Variants in PSMB11 observed in about 807,000 individuals in gnomAD.
PSMB11 encodes the protein proteasome subunit beta type-11.
For missense variants in PSMB11, 411 were observed against 408.2 expected, an observed-to-expected ratio of 1.01 and a Z score of -0.06; for synonymous variants, 163 against 167.7, an observed-to-expected ratio of 0.97 and a Z score of 0.22.
rs772379533 is a variant in PSMB11 at position 23,042,997 on chromosome 14, G to A, written c.772G>A (p.Glu258Lys). Residue 258 changes from glutamate to lysine, a missense_variant, in exon 1 of 1, where the codon GAG becomes AAG. Coordinates refer to ENST00000408907, the MANE Select transcript of PSMB11 (RefSeq NM_001099780.2). ...LQKLLEPEPEEDASHAHPEPA... is the reference protein window; with the variant it reads ...LQKLLEPEPEKDASHAHPEPA... ...GAAGCTCCTGGAGCCGGAGCCAGAG[G>A]AGGATGCCAGCCATGCCCATCCTGA... 6.2e-7 allele frequency: 1 copy of A among 1,614,066 alleles called. No homozygotes were observed. The highest frequency in any genetic ancestry group is 8.5e-7 in the Non-Finnish European group (1 of 1,180,000).
At position 23,042,881 on chromosome 14, in the gene PSMB11, C is replaced by T; in HGVS notation, c.656C>T (p.Ser219Leu). The change falls in exon 1 of 1, where the codon TCA becomes TTA. Residue 219 changes from serine (S) to leucine (L), a missense_variant. Ser to Leu is a moderately radical substitution (Grantham distance 145, BLOSUM62 -2). Coordinates refer to ENST00000408907, the MANE Select transcript of PSMB11 (RefSeq NM_001099780.2). ...VAHATHRDAY[S>L]GGSVDLFHVR... ...CACGCCACCCACCGTGATGCCTATT[C>T]AGGGGGCTCTGTAGACCTTTTCCAC... 6.2e-7 allele frequency: 1 copy of T among 1,614,060 alleles called. No homozygotes were observed. Among genetic ancestry groups the T allele is most frequent in the South Asian group, 1.1e-5 (1 of 91,088 alleles).
In PSMB11 at chr14:23,042,538, T is replaced by C. The variant is rs1566718930; in HGVS notation, c.313T>C (p.Tyr105His). Residue 105 changes from tyrosine (Y) to histidine (H), a missense_variant, in exon 1 of 1, where the codon TAT (tyrosine) becomes CAT (histidine). Physicochemically the swap from Tyr to His is moderately conservative, Grantham distance 83. Coordinates refer to ENST00000408907, the MANE Select transcript of PSMB11 (RefSeq NM_001099780.2). ...SGTSADCATW[Y>H]RVLQRELRLR... is the part of the protein sequence containing the mutation. Reference sequence around the variant, plus strand: ...CACCTCTGCCGACTGTGCTACCTGGTATCGGGTATTACAGCGGGAGCTGCG... The same window carrying C: ...CACCTCTGCCGACTGTGCTACCTGGCATCGGGTATTACAGCGGGAGCTGCG... 2 of 1,614,194 alleles carry C rather than the reference T, an allele frequency of 1.2e-6. No individual in the cohort carries two copies. Among genetic ancestry groups the C allele is most frequent in the Non-Finnish European group, 1.7e-6 (2 of 1,180,030 alleles).
At position 23,042,582 on chromosome 14, in the gene PSMB11, G is replaced by A. The variant is rs1397008391; in HGVS notation, c.357G>A (p.Glu119=). ...QRELRLRELR[E]GQLPSVASAA... Reference sequence around the variant, plus strand: ...AGCTGCGGCTTCGGGAACTGAGGGAGGGTCAGCTGCCCAGTGTGGCCAGTG... The same window carrying A: ...AGCTGCGGCTTCGGGAACTGAGGGAAGGTCAGCTGCCCAGTGTGGCCAGTG... The change falls in exon 1 of 1, where the codon GAG becomes GAA. Residue 119 remains glutamate (E), a synonymous_variant. Coordinates refer to ENST00000408907, the MANE Select transcript of PSMB11 (RefSeq NM_001099780.2). 1.2e-6 allele frequency: 2 copies of A among 1,614,074 alleles called. No homozygotes were observed. The highest frequency in any genetic ancestry group is 2.2e-5 in the East Asian group (1 of 44,902).
chr14:23,042,278 C>T lies in PSMB11; in HGVS notation c.53C>T (p.Ser18Leu), dbSNP rs376266336. ...CAGTCCCCTGACACCCAGGGACCAT[C>T]ACCTCACCTGCCTCGGGCTGGCGGC... ...KWQSPDTQGP[S>L]PHLPRAGGWA... The change falls in exon 1 of 1, where the codon TCA becomes TTA. Residue 18 changes from serine (S) to leucine (L), a missense_variant. Transcript: ENST00000408907. 5.6e-6 allele frequency: 9 copies of T among 1,609,970 alleles called. No homozygotes were observed. In the African/African-American group the frequency reaches 1.2e-4, roughly 21 times the overall value.
chr14:23,042,670 G>A lies in PSMB11; in HGVS notation c.445G>A (p.Ala149Thr), dbSNP rs1420309949. The A allele has an allele frequency of 6.2e-7, 1 of 1,613,786 alleles. No individual in the cohort carries two copies. ...GGGACTGGATCTCTGTGTGGCCACT[G>A]CCCTCTGCGGCTGGGACCGCTCTGG... Reference protein sequence around the residue: ...YRGLDLCVATALCGWDRSGPE... With the variant: ...YRGLDLCVATTLCGWDRSGPE... Residue 149 changes from alanine to threonine, a missense_variant, in exon 1 of 1, where the codon GCC (alanine) becomes ACC (threonine). Physicochemically the swap from Ala to Thr is moderately conservative, Grantham distance 58 (BLOSUM62 0). Transcript: ENST00000408907.
rs1262087400 is a variant in PSMB11 at position 23,042,548 on chromosome 14, T to G, written c.323T>G (p.Leu108Ter). 1.2e-5 allele frequency: 20 copies of G among 1,614,232 alleles called. No homozygotes were observed. The highest frequency in any genetic ancestry group is 1.6e-4 in the Middle Eastern group (1 of 6,062). ...GACTGTGCTACCTGGTATCGGGTAT[T>G]ACAGCGGGAGCTGCGGCTTCGGGAA... The part of the protein sequence containing the change: ...SADCATWYRV[L>*]QRELRLRELR... The change falls in exon 1 of 1, where the codon TTA becomes TGA. Residue 108 changes from leucine to a stop codon, truncating the protein, a stop_gained. Transcript: ENST00000408907. LOFTEE classifies it low-confidence loss of function (END_TRUNC).
At position 23,042,775 on chromosome 14, in the gene PSMB11, G is replaced by A; in HGVS notation, c.550G>A (p.Ala184Thr). 2 of 1,612,986 alleles carry A rather than the reference G, an allele frequency of 1.2e-6. No homozygotes were observed. The highest frequency in any genetic ancestry group is 1.7e-6 in the Non-Finnish European group (2 of 1,179,998). The change falls in exon 1 of 1, where the codon GCC becomes ACC. Residue 184 changes from alanine (A) to threonine (T), a missense_variant. By Grantham distance (58) the Ala-to-Thr change is moderately conservative. Transcript: ENST00000408907. Reference protein sequence around the residue: ...IFSVGSGSPYAYGVLDRGYRY... With the variant: ...IFSVGSGSPYTYGVLDRGYRY... ...CTCTGTGGGCTCTGGATCTCCCTATGCCTACGGCGTGCTAGACCGTGGCTA... is the reference window on the plus strand; with the variant it reads ...CTCTGTGGGCTCTGGATCTCCCTATACCTACGGCGTGCTAGACCGTGGCTA...
Position 23,042,833 on chromosome 14 carries a change from C to T in PSMB11, c.608C>T (p.Ala203Val). ...GACATGAGCACCCAGGAAGCCTACG[C>T]CCTGGCTCGCTGCGCCGTGGCCCAC... ...RYDMSTQEAY[A>V]LARCAVAHAT... is the part of the protein sequence containing the mutation. Residue 203 changes from alanine (A) to valine (V), a missense_variant, in exon 1 of 1, where the codon GCC (alanine) becomes GTC (valine). Transcript: ENST00000408907. The T allele has an allele frequency of 6.2e-7, 1 of 1,613,268 alleles. No individual in the cohort carries two copies. Among genetic ancestry groups the T allele is most frequent in the South Asian group, 1.1e-5 (1 of 91,078 alleles).
chr14:23,042,600 G>A lies in PSMB11; in HGVS notation c.375G>A (p.Val125=), dbSNP rs1481465087. ...TGAGGGAGGGTCAGCTGCCCAGTGTGGCCAGTGCTGCCAAGCTCTTGTCAG... is the reference window on the plus strand; with the variant it reads ...TGAGGGAGGGTCAGCTGCCCAGTGTAGCCAGTGCTGCCAAGCTCTTGTCAG... ...RELREGQLPS[V]ASAAKLLSAM... The change falls in exon 1 of 1, where the codon GTG becomes GTA. Residue 125 remains valine (V), a synonymous_variant. Transcript: ENST00000408907. 10 of 1,614,184 alleles carry A rather than the reference G, an allele frequency of 6.2e-6. No individual in the cohort carries two copies. The highest frequency in any genetic ancestry group is 8.5e-6 in the Non-Finnish European group (10 of 1,180,044).
chr14:23,043,441 C>T lies in PSMB11; in HGVS notation c.*313C>T. 3.6e-6 allele frequency: 1 copy of T among 279,864 alleles called. No homozygotes were observed. Among genetic ancestry groups the T allele is most frequent in the Non-Finnish European group, 7.1e-6 (1 of 140,688 alleles). 17.3% of individuals were successfully genotyped at this position (279,864 alleles called of 1,614,324 possible). ...CTAGGTGCTAGACCCTCTTTTCTTG[C>T]CATCTTCTCTGCTTTTTTCCATCAT... On this transcript the variant is annotated 3_prime_UTR_variant, in exon 1 of 1. Transcript: ENST00000408907.
At position 23,042,329 on chromosome 14, in the gene PSMB11, C is replaced by T. The variant is rs143333062; in HGVS notation, c.104C>T (p.Pro35Leu). 95 of 1,613,734 alleles carry T rather than the reference C, an allele frequency of 5.9e-5. 1 individual carries two copies. Among genetic ancestry groups the T allele is most frequent in the Non-Finnish European group, 7.5e-5 (88 of 1,180,024 alleles). The change falls in exon 1 of 1, where the codon CCT becomes CTT. Residue 35 changes from proline (P) to leucine (L), a missense_variant. By Grantham distance (98) the Pro-to-Leu change is moderately conservative. Coordinates refer to ENST00000408907, the MANE Select transcript of PSMB11 (RefSeq NM_001099780.2). ...GGWAVPRGCD[P>L]QTFLQIHGPR... ...TGGGCTGTGCCCCGGGGTTGTGACC[C>T]TCAAACCTTCCTGCAGATCCATGGC...
Position 23,043,152 on chromosome 14 carries a change from G to A in PSMB11, c.*24G>A. 1.3e-6 allele frequency: 2 copies of A among 1,561,786 alleles called. No individual in the cohort carries two copies. Among genetic ancestry groups the A allele is most frequent in the Non-Finnish European group, 1.7e-6 (2 of 1,147,350 alleles). ...GAGAAGCAGGACTTGGTTGGGGATG[G>A]TGTAGGCCTGGGGAGTGGGTGGGAG... On this transcript the variant is annotated 3_prime_UTR_variant, in exon 1 of 1. Transcript: ENST00000408907.
chr14:23,043,585 C>T lies in PSMB11; in HGVS notation c.*457C>T, dbSNP rs2047026036. 5.7e-6 allele frequency: 1 copy of T among 174,250 alleles called. No individual in the cohort carries two copies. The highest frequency in any genetic ancestry group is 6.1e-5 in the Admixed American group (1 of 16,264). 10.8% of individuals were successfully genotyped at this position (174,250 alleles called of 1,614,324 possible). On this transcript the variant is annotated 3_prime_UTR_variant, in exon 1 of 1. Coordinates refer to ENST00000408907, the MANE Select transcript of PSMB11 (RefSeq NM_001099780.2). Reference sequence around the variant, plus strand: ...ATGGGGCACCCGGGAAGGGAGCAGCCCCTCTCAGAACGAGGCGTAGTGATA... The same window carrying T: ...ATGGGGCACCCGGGAAGGGAGCAGCTCCTCTCAGAACGAGGCGTAGTGATA...
Position 23,043,148 on chromosome 14 carries a change from G to A in PSMB11, c.*20G>A, listed in dbSNP as rs201541901. ...GTGTGAGAAGCAGGACTTGGTTGGGGATGGTGTAGGCCTGGGGAGTGGGTG... is the reference window on the plus strand; with the variant it reads ...GTGTGAGAAGCAGGACTTGGTTGGGAATGGTGTAGGCCTGGGGAGTGGGTG... On this transcript the variant is annotated 3_prime_UTR_variant, in exon 1 of 1. Coordinates refer to ENST00000408907, the MANE Select transcript of PSMB11 (RefSeq NM_001099780.2). 3.2e-6 allele frequency: 5 copies of A among 1,579,610 alleles called. No individual in the cohort carries two copies. The East Asian group carries it at 1.1e-4, about 36-fold the overall frequency.
Position 23,042,748 on chromosome 14 carries a change from T to A in PSMB11, c.523T>A (p.Phe175Ile). 1 of 1,613,242 alleles carries A rather than the reference T, an allele frequency of 6.2e-7. No homozygotes were observed. Among genetic ancestry groups the A allele is most frequent in the Non-Finnish European group, 8.5e-7 (1 of 1,179,952 alleles). The change falls in exon 1 of 1, where the codon TTC becomes ATC. Residue 175 changes from phenylalanine (F) to isoleucine (I), a missense_variant. Physicochemically the swap from Phe to Ile is conservative, Grantham distance 21 (BLOSUM62 0). Coordinates refer to ENST00000408907, the MANE Select transcript of PSMB11 (RefSeq NM_001099780.2). Reference sequence around the variant, plus strand: ...CGGCACCCGCCTGCAGGGGGACATCTTCTCTGTGGGCTCTGGATCTCCCTA... The same window carrying A: ...CGGCACCCGCCTGCAGGGGGACATCATCTCTGTGGGCTCTGGATCTCCCTA... ...SDGTRLQGDIFSVGSGSPYAY... is the reference protein window; with the variant it reads ...SDGTRLQGDIISVGSGSPYAY...
Position 23,043,323 on chromosome 14 carries a change from T to A in PSMB11, c.*195T>A. ...ATGGCTCTGCCCAACAAGTTCCTAT[T>A]GACTCCCAGTGGATTGGTCCAGCCT... On this transcript the variant is annotated 3_prime_UTR_variant, in exon 1 of 1. Coordinates refer to ENST00000408907, the MANE Select transcript of PSMB11 (RefSeq NM_001099780.2). 1.8e-6 allele frequency: 1 copy of A among 561,086 alleles called. No homozygotes were observed. The highest frequency in any genetic ancestry group is 3.2e-6 in the Non-Finnish European group (1 of 307,868). 34.8% of individuals were successfully genotyped at this position (561,086 alleles called of 1,614,324 possible).
Position 23,042,472 on chromosome 14 carries a change from G to A in PSMB11, c.247G>A (p.Val83Ile). Residue 83 changes from valine (V) to isoleucine (I), a missense_variant, in exon 1 of 1, where the codon GTC becomes ATC. Coordinates refer to ENST00000408907, the MANE Select transcript of PSMB11 (RefSeq NM_001099780.2). ...SYVACPASCK[V>I]IPVHQHLLGT... ...TGTGGCGTGTCCAGCCTCATGCAAG[G>A]TCATCCCTGTGCACCAGCACCTCCT... The A allele has an allele frequency of 6.2e-7, 1 of 1,614,180 alleles. No individual in the cohort carries two copies. The highest frequency in any genetic ancestry group is 1.1e-5 in the South Asian group (1 of 91,088).
rs1006611856 is a variant in PSMB11, at chr14:23,043,202, G to T, written c.*74G>T. 5 of 1,065,910 alleles carry T rather than the reference G, an allele frequency of 4.7e-6. No homozygotes were observed. The African/African-American group carries it at 4.8e-5, about 10-fold the overall frequency. 66.0% of individuals were successfully genotyped at this position (1,065,910 alleles called of 1,614,324 possible). A position where few individuals can be genotyped will look rare whatever the true frequency, so the allele number is the denominator to read the frequency against. On this transcript the variant is annotated 3_prime_UTR_variant, in exon 1 of 1. Coordinates refer to ENST00000408907, the MANE Select transcript of PSMB11 (RefSeq NM_001099780.2). ...GGATGGGCAGCAGGGGGAGGGTCCC[G>T]CTGGCAGCAGCCTCACAGCGTCTGG...
rs372598944 is a variant in PSMB11, at chr14:23,042,522, C to T, written c.297C>T (p.Ala99=). The change falls in exon 1 of 1, where the codon GCC becomes GCT. Residue 99 remains alanine (A), a synonymous_variant. Coordinates refer to ENST00000408907, the MANE Select transcript of PSMB11 (RefSeq NM_001099780.2). ...TGGGTACCACCTCTGGCACCTCTGCCGACTGTGCTACCTGGTATCGGGTAT... is the reference window on the plus strand; with the variant it reads ...TGGGTACCACCTCTGGCACCTCTGCTGACTGTGCTACCTGGTATCGGGTAT... The part of the protein sequence containing the change: ...HLLGTTSGTS[A]DCATWYRVLQ... 171 of 1,614,096 alleles carry T rather than the reference C, an allele frequency of 1.1e-4. No individual in the cohort carries two copies. The highest frequency in any genetic ancestry group is 1.3e-4 in the Non-Finnish European group (156 of 1,180,046).
Sources: gnomAD v4.1 joint callset for allele counts on GRCh38, gnomAD v4.1.1 for gene constraint, MANE v1.5 for transcripts, NCBI Gene and HGNC (gene_info 2026-07-23, HGNC 2026-07-21) for gene names.